PTPN4: variants seen among roughly 807,000 people sequenced by gnomAD.
The protein encoded by PTPN4 is protein tyrosine phosphatase non-receptor type 4, also known as tyrosine-protein phosphatase non-receptor type 4.
In PTPN4, 49 loss-of-function variants were observed where a neutral mutation model predicts 135.5. The observed-to-expected ratio is 0.36, with a 90% CI of 0.29 to 0.46. PTPN4 has a LOEUF of 0.46. Ranked by LOEUF, PTPN4 falls within the 20% of genes least tolerant of loss-of-function variation. The pLI is 1.00. For synonymous variants in PTPN4, 333 were observed against 369.9 expected (o/e 0.90, Z 1.14); for missense variants, 860 against 1,101.0 (o/e 0.78, Z 3.10).
intron 2 of PTPN4, among the ~76,000 whole-genome samples, chr2:119,816,945 G>A (rs1222032201): frequency 6.6e-6 from 1 of 152,180 alleles, no homozygotes; most frequent in African/African-American, 2.4e-5. Flanking sequence ...CACGGACAAA[G>A]TTGATTCACC....
At chr2:119,930,190 A>G (rs1366001767) in intron 13 of PTPN4, among the ~76,000 whole-genome samples, 1 of 152,162 alleles carries the variant, frequency 6.6e-6, no homozygotes, top group African/African-American at 2.4e-5. Context: ...AAATGTTCAC[A>G]CCTAAATTAC....
At chr2:119,944,125 T>C (rs762041246) in intron 15 of PTPN4, among the ~76,000 whole-genome samples, 11 of 152,200 alleles carry the variant, frequency 7.2e-5, no homozygotes, top group Non-Finnish European at 1.2e-4. Flanking sequence ...AAATGTGTGC[T>C]TCAGTGCCAC....
intron 13 of PTPN4, among the ~76,000 whole-genome samples, chr2:119,930,791 G>A (rs192314478): frequency 1.3e-4 from 20 of 150,680 alleles, no homozygotes; most frequent in South Asian, 2.1e-4. Flanking sequence ...AATCAGATGA[G>A]TTAATATTGC....
rs1340050341 is a variant in PTPN4, at chr2:119,980,499, T to C, written c.*3429T>C. The C allele has an allele frequency of 1.3e-5, 2 of 151,966 alleles. No individual in the cohort carries two copies. Among genetic ancestry groups the C allele is most frequent in the Admixed American group, 1.3e-4 (2 of 15,226 alleles). 9.4% of individuals were successfully genotyped at this position (151,966 alleles called of 1,614,324 possible). A position where few individuals can be genotyped will look rare whatever the true frequency, so the allele number is the denominator to read the frequency against. ...GGCATTAGGAAATAGGGTTCAGCAA[T>C]GGTTATTGATTTAGCAGTCTGGTCT... On this transcript the variant is annotated 3_prime_UTR_variant, in exon 27 of 27. Transcript: ENST00000263708.
chr2:119,816,813 A>G (rs114409197), intron 2 of PTPN4, among the ~76,000 whole-genome samples: 3,169 of 152,356 alleles, frequency 0.021, 60 homozygotes, highest in Non-Finnish European at 0.033. Flanking sequence ...GTGCTGTTGT[A>G]GCAATCTCAG....
intron 7 of PTPN4, 38 bp from the exon 8 acceptor site, chr2:119,882,465 T>C: frequency 3.5e-6 from 5 of 1,448,366 alleles, no homozygotes; most frequent in Non-Finnish European, 4.6e-6. Context: ...TTTAAAAATT[T>C]GTTTATTAAA....
chr2:119,899,416 T>C (rs888346780), intron 9 of PTPN4, among the ~76,000 whole-genome samples: 2 of 152,230 alleles, frequency 1.3e-5, no homozygotes, highest in Non-Finnish European at 2.9e-5. Flanking sequence ...GTCTCTTTCC[T>C]ACGTAGTTTG....
At chr2:119,918,701 T>G (rs1247161694) in intron 11 of PTPN4, among the ~76,000 whole-genome samples, 1 of 152,194 alleles carries the variant, frequency 6.6e-6, no homozygotes, top group Non-Finnish European at 1.5e-5. Flanking sequence ...TGTTGGGCAT[T>G]ATCTACCAAA....
At chr2:119,840,952 T>G (rs566118147) in intron 2 of PTPN4, among the ~76,000 whole-genome samples, 3 of 152,326 alleles carry the variant, frequency 2.0e-5, no homozygotes, top group East Asian at 3.9e-4. Context: ...TTTGTTTAAG[T>G]TCTTTGTAGC....
intron 1 of PTPN4, among the ~76,000 whole-genome samples, chr2:119,774,933 C>T (rs988534580): frequency 3.3e-5 from 5 of 151,568 alleles, no homozygotes; most frequent in East Asian, 3.9e-4. Flanking sequence ...GCAGGAGTCG[C>T]ATGAACCTGG....
intron 10 of PTPN4, among the ~76,000 whole-genome samples, chr2:119,901,902 A>G (rs1465725639): frequency 2.0e-5 from 3 of 152,230 alleles, no homozygotes; most frequent in Non-Finnish European, 4.4e-5. Flanking sequence ...GCTTGAAGAT[A>G]TGTCAATAGA....
intron 1 of PTPN4, among the ~76,000 whole-genome samples, chr2:119,802,278 C>T (rs991357114): frequency 1.3e-5 from 2 of 152,144 alleles, no homozygotes; most frequent in African/African-American, 2.4e-5. Flanking sequence ...AGATACCCTT[C>T]CTTGCCTTAT....
At chr2:119,896,022 T>C (rs889298747) in intron 9 of PTPN4, among the ~76,000 whole-genome samples, 5 of 152,104 alleles carry the variant, frequency 3.3e-5, no homozygotes, top group African/African-American at 1.2e-4. Context: ...TCATATTCAG[T>C]TTAAATATCA....
chr2:119,897,425 A>C (rs927528980), intron 9 of PTPN4, among the ~76,000 whole-genome samples: 1 of 152,172 alleles, frequency 6.6e-6, no homozygotes, highest in Non-Finnish European at 1.5e-5. Flanking sequence ...CATTGTTTCT[A>C]GGCTTTTTAA....
rs1470880787 is a variant in PTPN4, at chr2:119,878,939, A to C, written c.368+1397A>C. ...AAACCCCATCTCTACTAAAAATACA[A>C]AAAATTAGCCGGGTGTGGTGGCAGG... On this transcript the variant is annotated intron_variant, in intron 5 of 26. Coordinates refer to ENST00000263708, the MANE Select transcript of PTPN4 (RefSeq NM_002830.4). Among the ~76,000 whole-genome samples, 3 of 151,782 alleles carry C rather than the reference A, an allele frequency of 2.0e-5. No individual in the cohort carries two copies. The East Asian group carries it at 5.8e-4, about 29-fold the overall frequency.
At chr2:119,916,251 A>G (rs1353677446) in intron 11 of PTPN4, 1 of 150,428 alleles carries the variant, frequency 6.6e-6, no homozygotes, top group Non-Finnish European at 1.5e-5. Flanking sequence ...TCTACCTGTT[A>G]TCCCAGCTAC....
rs1679677289 is a variant in PTPN4 at position 119,980,544 on chromosome 2, TTATC to T, written c.*3481_*3484del. 2 of 152,054 alleles carry T rather than the reference TTATC, an allele frequency of 1.3e-5. No homozygotes were observed. Among genetic ancestry groups the T allele is most frequent in the South Asian group, 4.1e-4 (2 of 4,824 alleles). The allele number at this position is 152,054 out of a possible 1,614,324, so 9.4% of individuals were successfully genotyped here. A position where few individuals can be genotyped will look rare whatever the true frequency, so the allele number is the denominator to read the frequency against. ...TGGTCTTATATGATCTGCTTTCTAA[TTATC>T]TATCTAGTATTCCTATATTATACTG... On this transcript the variant is annotated 3_prime_UTR_variant, in exon 27 of 27. Coordinates refer to ENST00000263708, the MANE Select transcript of PTPN4 (RefSeq NM_002830.4).
intron 9 of PTPN4, among the ~76,000 whole-genome samples, chr2:119,896,586 A>G (rs192984939): frequency 3.9e-5 from 6 of 152,292 alleles, no homozygotes; most frequent in African/African-American, 1.4e-4. Flanking sequence ...GCTAGCAGCC[A>G]TTTATGCTGG....
chr2:119,857,579 G>GA (rs772791546), intron 2 of PTPN4, among the ~76,000 whole-genome samples: 1,506 of 116,050 alleles, frequency 0.013, 18 homozygotes, highest in African/African-American at 0.034. Context: ...TTTACTAAAA[G>GA]AAAAAAAAAA....
Sources: allele counts gnomAD v4.1 joint callset (sites outside exome capture counted in the v4.1 genomes callset), GRCh38; gene constraint gnomAD v4.1.1; transcripts MANE v1.5; gene names NCBI Gene and HGNC (gene_info 2026-07-23, HGNC 2026-07-21).